GSDME: variants seen among roughly 807,000 people sequenced by gnomAD.
The protein encoded by GSDME is gasdermin E.
GSDME carries 44 observed loss-of-function variants against 47.5 expected under a neutral mutation model. The observed-to-expected ratio is 0.93, with a 90% CI of 0.73 to 1.19. The LOEUF is 1.19. Among genes scored for constraint, GSDME ranks in the 50% most tolerant of loss-of-function variants. The pLI, the probability that GSDME is intolerant of heterozygous loss-of-function variation, is 0.00. For synonymous variants in GSDME, 258 were observed against 252.8 expected (o/e 1.02, Z -0.20); for missense variants, 663 against 604.2 (o/e 1.10, Z -1.02).
chr7:24,769,620 T>C, the GSDME span, among the ~76,000 whole-genome samples: 3 of 152,148 alleles, frequency 2.0e-5, no homozygotes, highest in Non-Finnish European at 2.9e-5. Context: ...AATAGGACTA[T>C]AGAACGCCTC....
At chr7:24,781,543 T>C in the GSDME span, among the ~76,000 whole-genome samples, 1 of 152,196 alleles carries the variant, frequency 6.6e-6, no homozygotes, top group African/African-American at 2.4e-5. Context: ...TAGTATGTAT[T>C]GGTTAGGTCT....
intron 3 of GSDME, among the ~76,000 whole-genome samples, chr7:24,743,729 C>A (rs762356464): frequency 6.6e-5 from 10 of 152,202 alleles, no homozygotes; most frequent in Non-Finnish European, 1.2e-4. Context: ...TGCCCAGATG[C>A]CCCTGTGCCT....
intron 5 of GSDME, chr7:24,715,407 A>G (rs559591256): frequency 1.2e-4 from 54 of 467,970 alleles, no homozygotes; most frequent in African/African-American, 1.1e-3. Flanking sequence ...AGCTTGACTC[A>G]GTAGTTATCC....
At chr7:24,706,651 A>G (rs1431022920) in intron 7 of GSDME, among the ~76,000 whole-genome samples, 1 of 152,238 alleles carries the variant, frequency 6.6e-6, no homozygotes, top group East Asian at 1.9e-4. Context: ...GGGTAGTGCC[A>G]GGGACCAGAA....
intron 3 of GSDME, among the ~76,000 whole-genome samples, chr7:24,730,533 T>C (rs1790109481): frequency 6.6e-6 from 1 of 152,122 alleles, no homozygotes; most frequent in African/African-American, 2.4e-5. Flanking sequence ...AAAATAAAGC[T>C]CAGCTGGGCA....
chr7:24,777,650 C>G, the GSDME span, among the ~76,000 whole-genome samples: 1 of 93,380 alleles, frequency 1.1e-5, no homozygotes, highest in African/African-American at 5.9e-5. Flanking sequence ...CTTCCAGGCT[C>G]TGATGTGAGT....
Position 24,746,891 on chromosome 7 carries a change from G to GA in GSDME, c.212-2138dup, listed in dbSNP as rs367772085. ...CATATGCCAGTGAGGCTGCGAGTGGGAAAAAATAACAAAGGTGAAGCATCC... is the reference window on the plus strand; with the variant it reads ...CATATGCCAGTGAGGCTGCGAGTGGGAAAAAAATAACAAAGGTGAAGCATCC... On this transcript the variant is annotated intron_variant, in intron 2 of 9. Coordinates refer to ENST00000645220, the MANE Select transcript of GSDME (RefSeq NM_001127453.2). Among the ~76,000 whole-genome samples the GA allele has an allele frequency of 3.6e-3, 551 of 152,260 alleles. 4 individuals carry two copies. Among genetic ancestry groups the GA allele is most frequent in the African/African-American group, 0.012 (516 of 41,540 alleles).
At chr7:24,763,785 G>A in the GSDME span, among the ~76,000 whole-genome samples, 34 of 152,174 alleles carry the variant, frequency 2.2e-4, no homozygotes, top group Middle Eastern at 3.4e-3. This position sits in a 1 kb window ranked among gnomAD's most constrained non-coding sequence, Gnocchi z 4.3. Flanking sequence ...TTTGTGCTCC[G>A]GAAAAAAAGG....
chr7:24,752,989 C>T (rs1790903478), intron 1 of GSDME, among the ~76,000 whole-genome samples: 1 of 148,456 alleles, frequency 6.7e-6, no homozygotes, highest in South Asian at 2.2e-4. Flanking sequence ...ATTAATTTTT[C>T]ATGTTTTTTT....
chr7:24,729,011 C>T (rs1448655509), intron 3 of GSDME, among the ~76,000 whole-genome samples: 1 of 152,236 alleles, frequency 6.6e-6, no homozygotes, highest in Non-Finnish European at 1.5e-5. Flanking sequence ...GCTGCTCCGC[C>T]TCTGTCCACA....
rs531475466 is a variant in GSDME at position 24,732,806 on chromosome 7, T to G, written c.404+11756A>C. On this transcript the variant is annotated intron_variant, in intron 3 of 9. Coordinates refer to ENST00000645220, the MANE Select transcript of GSDME (RefSeq NM_001127453.2). The surrounding 1 kb of genome is among the most constrained non-coding windows in gnomAD (Gnocchi z 4.8). ...CCTCGCCACCATGGGCTAAAGTGCT[T>G]TGGTGTTCTAAATAAACTAGAAAGG... Among the ~76,000 whole-genome samples the G allele has an allele frequency of 2.0e-5, 3 of 152,252 alleles. No homozygotes were observed. The highest frequency in any genetic ancestry group is 4.2e-4 in the South Asian group (2 of 4,814).
Position 24,710,550 on chromosome 7 carries a change from T to C in GSDME, c.698-162A>G, listed in dbSNP as rs1288541119. ...CATAAAATTCGATCCCTACACACATTATGTTGCTTGACCAAAAGCCCAGCC... is the reference window on the plus strand; with the variant it reads ...CATAAAATTCGATCCCTACACACATCATGTTGCTTGACCAAAAGCCCAGCC... On this transcript the variant is annotated intron_variant, in intron 5 of 9. Coordinates refer to ENST00000645220, the MANE Select transcript of GSDME (RefSeq NM_001127453.2). 2.7e-5 allele frequency: 18 copies of C among 664,770 alleles called. 1 individual carries two copies. The highest frequency in any genetic ancestry group is 8.0e-4 in the Middle Eastern group (2 of 2,514). The allele number at this position is 664,770 out of a possible 1,614,324, so 41.2% of individuals were successfully genotyped here. A position where few individuals can be genotyped will look rare whatever the true frequency, so the allele number is the denominator to read the frequency against.
the GSDME span, among the ~76,000 whole-genome samples, chr7:24,793,436 A>T: frequency 6.6e-6 from 1 of 152,212 alleles, no homozygotes; most frequent in Non-Finnish European, 1.5e-5. Context: ...AAAATTTTTA[A>T]AAACCTTTTA....
At chr7:24,767,105 C>A in the GSDME span, among the ~76,000 whole-genome samples, 1 of 152,196 alleles carries the variant, frequency 6.6e-6, no homozygotes, top group Admixed American at 6.5e-5. This position sits in a 1 kb window ranked among gnomAD's most constrained non-coding sequence, Gnocchi z 5.3. Flanking sequence ...GGGGTGATCA[C>A]CTGAGGTCAG....
chr7:24,749,496 T>C, intron 2 of GSDME, 68 bp downstream of exon 2: 1 of 1,207,926 alleles, frequency 8.3e-7, no homozygotes, highest in Non-Finnish European at 1.2e-6. Context: ...AGACTCTGTG[T>C]CAAAAAAAAA....
chr7:24,719,836 C>A (rs1333579490), intron 3 of GSDME, among the ~76,000 whole-genome samples: 1 of 151,692 alleles, frequency 6.6e-6, no homozygotes, highest in East Asian at 1.9e-4. Flanking sequence ...AGGAAGGAAA[C>A]TGCAATCCAT....
chr7:24,717,769 G>T (rs1789625381), intron 4 of GSDME, among the ~76,000 whole-genome samples: 1 of 152,170 alleles, frequency 6.6e-6, no homozygotes, highest in Non-Finnish European at 1.5e-5. Context: ...ACCTAGCTGA[G>T]AGGGCCCCCT....
chr7:24,719,312 A>G, intron 3 of GSDME, 94 bp from the exon 4 acceptor site: 4 of 1,297,362 alleles, frequency 3.1e-6, no homozygotes, highest in Non-Finnish European at 4.4e-6. Flanking sequence ...CTGAGGAGTG[A>G]GCAGGTGACA....
At chr7:24,772,636 C>T in the GSDME span, among the ~76,000 whole-genome samples, 1 of 152,156 alleles carries the variant, frequency 6.6e-6, no homozygotes, top group Non-Finnish European at 1.5e-5. This position sits in a 1 kb window ranked among gnomAD's most constrained non-coding sequence, Gnocchi z 4.5. Flanking sequence ...CATTTGGTGC[C>T]TAATAAATGA....
Sources: gnomAD v4.1 joint callset for allele counts (sites outside exome capture counted in the v4.1 genomes callset) on GRCh38, gnomAD v4.1.1 for gene constraint, Gnocchi (gnomAD v3.1) non-coding constraint, MANE v1.5 for transcripts, NCBI Gene and HGNC (gene_info 2026-07-23, HGNC 2026-07-21) for gene names.